The following PLSCR2 variants were observed in gnomAD, a reference collection of about 807,000 sequenced individuals.
PLSCR2 encodes the protein PL scramblase 2.
Under a neutral mutation model 25.3 loss-of-function variants are expected in PLSCR2, and 18 were observed. That is an observed-to-expected ratio of 0.71 (90% CI 0.49 to 1.06). The LOEUF (loss-of-function observed/expected upper bound fraction) is 1.06, where lower values mean the gene tolerates loss of function less well. Among genes scored for constraint, PLSCR2 ranks in the 50% least tolerant of loss-of-function variants. The probability of loss-of-function intolerance (pLI) is 0.00; values close to 1 mark genes in which losing one functional copy is unlikely to be tolerated. For missense variants in PLSCR2, 243 were observed against 269.5 expected, an observed-to-expected ratio of 0.90 and a Z score of 0.69; for synonymous variants, 88 against 87.3, an observed-to-expected ratio of 1.01 and a Z score of -0.04.
chr3:146,483,856 A>C (rs1302531680), intron 1 of PLSCR2, among the ~76,000 whole-genome samples: 1 of 152,002 alleles, frequency 6.6e-6, no homozygotes. Flanking sequence ...AACACTAAAA[A>C]TGCAAATGGC....
At chr3:146,420,065 A>G (rs1308954424) in intron 2 of PLSCR2, among the ~76,000 whole-genome samples, 1 of 152,088 alleles carries the variant, frequency 6.6e-6, no homozygotes, top group Admixed American at 6.6e-5. Flanking sequence ...GTAAATCAAA[A>G]TGTCACAAAG....
In PLSCR2 at chr3:146,444,234, T is replaced by A. The variant is rs572477327; in HGVS notation, c.646-2413A>T. ...ATGCTAATGAGATGAATGTGTATTC[T>A]ATAAACGTTGGATTAACTGTTCTGA... On this transcript the variant is annotated intron_variant, in intron 6 of 6. Coordinates refer to ENST00000610787, the Ensembl canonical transcript of PLSCR2. 1.1e-4 allele frequency among the ~76,000 whole-genome samples: 16 copies of A among 152,200 alleles called. No individual in the cohort carries two copies. In the East Asian group the frequency reaches 3.1e-3, roughly 29 times the overall value.
At chr3:146,473,761 A>G (rs189387394) in intron 1 of PLSCR2, among the ~76,000 whole-genome samples, 10 of 152,310 alleles carry the variant, frequency 6.6e-5, no homozygotes, top group Admixed American at 3.3e-4. Context: ...TTAAAACTCA[A>G]TATGTGTTTC....
intron 5 of PLSCR2, among the ~76,000 whole-genome samples, chr3:146,453,409 T>C (rs535753937): frequency 1.3e-5 from 2 of 152,270 alleles, no homozygotes; most frequent in African/African-American, 4.8e-5. Context: ...CTAGGCTATC[T>C]GTTGGAGAAC....
In PLSCR2 at chr3:146,455,454, A is replaced by G; in HGVS notation, c.106T>C (p.Phe36Leu). 1 of 1,585,144 alleles carries G rather than the reference A, an allele frequency of 6.3e-7. No homozygotes were observed. Among genetic ancestry groups the G allele is most frequent in the Non-Finnish European group, 8.7e-7 (1 of 1,154,582 alleles). The change falls in exon 4 of 7, where the codon TTC becomes CTC. Residue 36 changes from phenylalanine (F) to leucine (L), a missense_variant. Phe to Leu is a conservative substitution (Grantham distance 22). Coordinates refer to ENST00000610787, the Ensembl canonical transcript of PLSCR2. ...TACATGTTACTACTTTCAAAACTGA[A>G]TAGAACTAAAAATGAAAATAAAATC...
At chr3:146,460,321 A>T (rs1031795538) in exon 1 of PLSCR2, 1 of 644,334 alleles carries the variant, frequency 1.6e-6, no homozygotes, top group East Asian at 4.7e-5. Flanking sequence ...TACTTTTACT[A>T]TGTAAAACTC....
exon 5 of PLSCR2, chr3:146,454,084 A>T: frequency 6.2e-7 from 1 of 1,611,034 alleles, no homozygotes; most frequent in Non-Finnish European, 8.5e-7. Context: ...CTGATTTTTA[A>T]TTGTAAACTT....
intron 1 of PLSCR2, among the ~76,000 whole-genome samples, chr3:146,478,115 C>A (rs1433731200): frequency 6.6e-6 from 1 of 152,146 alleles, no homozygotes; most frequent in African/African-American, 2.4e-5. Flanking sequence ...TCACCAACAT[C>A]AAAGACCAAC....
chr3:146,492,496 A>T (rs1334495630), intron 1 of PLSCR2, among the ~76,000 whole-genome samples: 3 of 152,154 alleles, frequency 2.0e-5, no homozygotes, highest in Admixed American at 6.6e-5. Context: ...CTAAGGAGAT[A>T]TATCCAAACC....
intron 6 of PLSCR2, 120 bp from the exon 7 acceptor site, chr3:146,441,941 ATAAT>A (rs1336801884): frequency 1.7e-6 from 1 of 600,308 alleles, no homozygotes; most frequent in Non-Finnish European, 2.9e-6. Context: ...AAAATTAACT[ATAAT>A]AAGTAATGTG....
At chr3:146,482,909 G>A (rs1388258486) in intron 1 of PLSCR2, among the ~76,000 whole-genome samples, 1 of 152,106 alleles carries the variant, frequency 6.6e-6, no homozygotes, top group Non-Finnish European at 1.5e-5. Context: ...AAAATGATGA[G>A]TTCATGTCCT....
At chr3:146,404,801 G>C (rs1030488722) in intron 2 of PLSCR2, among the ~76,000 whole-genome samples, 7 of 87,658 alleles carry the variant, frequency 8.0e-5, no homozygotes, top group African/African-American at 2.8e-4. Flanking sequence ...TCAAAAGGAA[G>C]AAATAGGCAA....
intron 1 of PLSCR2, among the ~76,000 whole-genome samples, chr3:146,483,416 G>T (rs1294588109): frequency 9.3e-6 from 1 of 107,106 alleles, no homozygotes; most frequent in Non-Finnish European, 1.9e-5. Flanking sequence ...ATGTACCCTA[G>T]AACTTAAACT....
At chr3:146,395,966 C>T (rs2038259637) in intron 2 of PLSCR2, 4 of 278,970 alleles carry the variant, frequency 1.4e-5, no homozygotes, top group Non-Finnish European at 2.8e-5. Context: ...ATCTGTGAGA[C>T]AAAAAGTTAT....
intron 1 of PLSCR2, among the ~76,000 whole-genome samples, chr3:146,468,837 C>T (rs1395330198): frequency 6.6e-6 from 1 of 152,188 alleles, no homozygotes; most frequent in Non-Finnish European, 1.5e-5. Flanking sequence ...CACATTCTCC[C>T]AATGTGCCAA....
At chr3:146,467,626 AAC>A (rs2041927435) in intron 1 of PLSCR2, among the ~76,000 whole-genome samples, 2 of 151,300 alleles carry the variant, frequency 1.3e-5, no homozygotes, top group Admixed American at 1.3e-4. Context: ...TATTATGGAT[AAC>A]ACATATATAA....
intron 1 of PLSCR2, chr3:146,469,084 C>A (rs1001533240): frequency 1.1e-5 from 11 of 975,578 alleles, no homozygotes; most frequent in African/African-American, 1.8e-5. Flanking sequence ...GGGCTCCTGG[C>A]GGACTTCATT....
downstream of PLSCR2, among the ~76,000 whole-genome samples, chr3:146,437,706 A>AT (rs1283035099): frequency 8.0e-5 from 12 of 150,298 alleles, no homozygotes; most frequent in South Asian, 8.5e-4. Flanking sequence ...AATTTTGTTG[A>AT]TTTTTTCAAA....
rs1470263953 is a variant in PLSCR2 at position 146,410,955 on chromosome 3, G to A, written c.101-15034C>T. Among the ~76,000 whole-genome samples, 6 of 152,146 alleles carry A rather than the reference G, an allele frequency of 3.9e-5. No individual in the cohort carries two copies. The South Asian group carries it at 1.0e-3, about 26-fold the overall frequency. On this transcript the variant is annotated intron_variant and NMD_transcript_variant, in intron 2 of 3. Transcript: ENST00000463633. ...GCCTTAAGCCTTATGAGGTCGCCACGGAACTGCAGGTGACGGCCCATTCGA... is the reference window on the plus strand; with the variant it reads ...GCCTTAAGCCTTATGAGGTCGCCACAGAACTGCAGGTGACGGCCCATTCGA...
Sources: allele counts gnomAD v4.1 joint callset (sites outside exome capture counted in the v4.1 genomes callset), GRCh38; gene constraint gnomAD v4.1.1; transcripts MANE v1.5; gene names NCBI Gene and HGNC (gene_info 2026-07-23, HGNC 2026-07-21).